The following FAM163A variants were observed in gnomAD, a reference collection of about 807,000 sequenced individuals.
The protein encoded by FAM163A is family with sequence similarity 163 member A, also known as protein FAM163A.
A neutral mutation model predicts 12.0 loss-of-function variants in FAM163A; 7 were observed. That is an observed-to-expected ratio of 0.58 (90% CI 0.33 to 1.10). The LOEUF (loss-of-function observed/expected upper bound fraction) is 1.10, where lower values mean the gene tolerates loss of function less well. FAM163A is among the 50% of genes least tolerant of loss of function. The probability of loss-of-function intolerance (pLI) is 0.03; values close to 1 mark genes in which losing one functional copy is unlikely to be tolerated. For missense variants in FAM163A, 202 were observed against 218.6 expected (o/e 0.92, Z 0.48); for synonymous variants, 101 against 91.0 (o/e 1.11, Z -0.62).
At chr1:179,752,397 TC>T (rs1685399114) in intron 1 of FAM163A, among the ~76,000 whole-genome samples, 1 of 151,512 alleles carries the variant, frequency 6.6e-6, no homozygotes, top group Non-Finnish European at 1.5e-5. Flanking sequence ...GGTAATGATT[TC>T]ATGGATATGA....
intron 1 of FAM163A, among the ~76,000 whole-genome samples, chr1:179,747,213 A>G (rs2147959124): frequency 6.6e-6 from 1 of 151,410 alleles, no homozygotes; most frequent in Middle Eastern, 3.4e-3. Context: ...CTAGGGCTGT[A>G]TTGCCCCAGA....
chr1:179,799,029 C>T (rs1047160782), intron 1 of FAM163A, among the ~76,000 whole-genome samples: 2 of 152,086 alleles, frequency 1.3e-5, no homozygotes, highest in African/African-American at 4.8e-5. Context: ...CTCCTTATCT[C>T]CATCTGCCTC....
At chr1:179,802,510 C>CA (rs1693319895) in intron 1 of FAM163A, among the ~76,000 whole-genome samples, 1 of 152,214 alleles carries the variant, frequency 6.6e-6, no homozygotes, top group Admixed American at 6.5e-5. Flanking sequence ...TCCCCGCCAT[C>CA]ATAAACAGCC....
intron 1 of FAM163A, among the ~76,000 whole-genome samples, chr1:179,799,346 A>G (rs1692832642): frequency 1.3e-5 from 2 of 152,216 alleles, no homozygotes; most frequent in South Asian, 4.1e-4. Context: ...GGGCTATGCC[A>G]TGGTGTCCTC....
intron 1 of FAM163A, among the ~76,000 whole-genome samples, chr1:179,764,080 C>CT (rs1185031749): frequency 2.0e-5 from 3 of 152,188 alleles, no homozygotes; most frequent in African/African-American, 4.8e-5. Context: ...AAATAGAGAG[C>CT]TGAACCAATC....
chr1:179,800,603 G>A (rs894636902), intron 1 of FAM163A, among the ~76,000 whole-genome samples: 2 of 152,192 alleles, frequency 1.3e-5, no homozygotes, highest in Non-Finnish European at 2.9e-5. Flanking sequence ...CAGAGGACAG[G>A]CCATGTTTTC....
At chr1:179,740,620 A>G (rs563301719), upstream of FAM163A, among the ~76,000 whole-genome samples, 6 of 152,310 alleles carry the variant, frequency 3.9e-5, no homozygotes, top group South Asian at 1.2e-3. Context: ...GGTTACATAT[A>G]TTGATACGAA....
chr1:179,747,333 T>A (rs1053198580), intron 1 of FAM163A, among the ~76,000 whole-genome samples: 9 of 152,146 alleles, frequency 5.9e-5, no homozygotes, highest in African/African-American at 2.2e-4. Flanking sequence ...TCCCCCTACT[T>A]CCAAGCACCC....
At chr1:179,800,001 G>T (rs760017993) in intron 1 of FAM163A, among the ~76,000 whole-genome samples, 1 of 152,196 alleles carries the variant, frequency 6.6e-6, no homozygotes, top group African/African-American at 2.4e-5. Flanking sequence ...TGGACAGTGT[G>T]GGGGATGGTG....
At position 179,806,221 on chromosome 1, in the gene FAM163A, G is replaced by C. The variant is rs1226742651; in HGVS notation, c.-135-1577G>C. On this transcript the variant is annotated intron_variant, in intron 1 of 4. Transcript: ENST00000341785. ...TGCACAGCCAGGGGCAGAGGGCCCT[G>C]CCCCAGGCTCACTTTCACCTTCTGA... is the stretch of plus-strand genomic sequence containing the variant. 6.6e-5 allele frequency among the ~76,000 whole-genome samples: 10 copies of C among 152,312 alleles called. No individual in the cohort carries two copies. The East Asian group carries it at 1.9e-3, about 29-fold the overall frequency.
intron 1 of FAM163A, among the ~76,000 whole-genome samples, chr1:179,758,751 T>C (rs912201742): frequency 6.6e-6 from 1 of 152,212 alleles, no homozygotes; most frequent in African/African-American, 2.4e-5. Flanking sequence ...AGATGGTAAA[T>C]AACTACTTCC....
At position 179,813,780 on chromosome 1, in the gene FAM163A, A is replaced by T; in HGVS notation, c.95A>T (p.Tyr32Phe). 3.7e-6 allele frequency: 6 copies of T among 1,613,872 alleles called. No individual in the cohort carries two copies. Among genetic ancestry groups the T allele is most frequent in the Non-Finnish European group, 5.1e-6 (6 of 1,179,998 alleles). ...GCATCCCTCTGCCCTTCCGCACAGT[A>T]TTACTGCTGCAAGAAGAGCGGAACC... ...IAVLCYCRLQ[Y>F]YCCKKSGTEV... Residue 32 changes from tyrosine to phenylalanine, a missense_variant and splice_region_variant, in exon 5 of 5, where the codon TAT (tyrosine) becomes TTT (phenylalanine). Tyr to Phe is a conservative substitution (Grantham distance 22). Transcript: ENST00000341785.
chr1:179,813,338 T>C, intron 4 of FAM163A, 148 bp downstream of exon 4: 1 of 800,890 alleles, frequency 1.2e-6, no homozygotes, highest in Middle Eastern at 2.8e-4. Context: ...AGGATGGGAG[T>C]TGGGGCTGGT....
intron 1 of FAM163A, among the ~76,000 whole-genome samples, chr1:179,795,372 C>T (rs929274016): frequency 6.6e-6 from 1 of 152,192 alleles, no homozygotes; most frequent in Non-Finnish European, 1.5e-5. Flanking sequence ...GCCGTTGTAA[C>T]GGTTTTAAGA....
At chr1:179,749,888 C>T (rs2504045) in intron 1 of FAM163A, among the ~76,000 whole-genome samples, 129,990 of 152,262 alleles carry the variant, frequency 0.85, 56,034 homozygotes, top group East Asian at 1. Context: ...ACTGAAAATA[C>T]AATTTTGAGT....
chr1:179,812,466 C>G (rs148444361), intron 3 of FAM163A, among the ~76,000 whole-genome samples: 2 of 152,278 alleles, frequency 1.3e-5, no homozygotes, highest in East Asian at 3.9e-4. Context: ...CTGGTTTGAG[C>G]CAGAGAAGAG....
Position 179,814,039 on chromosome 1 carries a change from A to G in FAM163A, c.354A>G (p.Gly118=), listed in dbSNP as rs1011757364. The change falls in exon 5 of 5, where the codon GGA becomes GGG. Residue 118 remains glycine (G), a synonymous_variant. Coordinates refer to ENST00000341785, the MANE Select transcript of FAM163A (RefSeq NM_173509.3). ...CTGACATGGTGCCCAATGGGGGTGG[A>G]GGCGAGAGGCTCTCCTTTGCTCCCA... is the stretch of plus-strand genomic sequence containing the variant. The part of the protein sequence containing the change: ...RTADMVPNGG[G]GERLSFAPTY... 2 of 1,613,436 alleles carry G rather than the reference A, an allele frequency of 1.2e-6. No individual in the cohort carries two copies. The highest frequency in any genetic ancestry group is 1.7e-6 in the Non-Finnish European group (2 of 1,179,612).
chr1:179,809,881 G>T (rs549187535), intron 2 of FAM163A, among the ~76,000 whole-genome samples: 2 of 152,110 alleles, frequency 1.3e-5, no homozygotes, highest in Non-Finnish European at 2.9e-5. Context: ...ATCTGACCCC[G>T]CCTCCAGATG....
chr1:179,764,388 G>C (rs895098967), intron 1 of FAM163A, among the ~76,000 whole-genome samples: 2 of 152,156 alleles, frequency 1.3e-5, no homozygotes, highest in Non-Finnish European at 2.9e-5. Flanking sequence ...AGTGAAGCTT[G>C]TTCAAAGTCT....
Sources: allele counts gnomAD v4.1 joint callset (sites outside exome capture counted in the v4.1 genomes callset), GRCh38; gene constraint gnomAD v4.1.1; transcripts MANE v1.5; gene names NCBI Gene and HGNC (gene_info 2026-07-23, HGNC 2026-07-21).